PPT2: variants seen among roughly 807,000 people sequenced by gnomAD.
The protein encoded by PPT2 is palmitoyl-protein thioesterase 2.
Under a neutral mutation model 37.3 loss-of-function variants are expected in PPT2, and 20 were observed. The observed-to-expected ratio is 0.54, with a 90% CI of 0.38 to 0.78. PPT2 has a LOEUF of 0.78. Ranked by LOEUF, PPT2 falls within the 30% of genes least tolerant of loss-of-function variation. PPT2 has a pLI of 0.00. For missense variants in PPT2, 270 were observed against 389.8 expected (o/e 0.69, Z 2.59); for synonymous variants, 135 against 159.1 (o/e 0.85, Z 1.14).
rs1783842288 is a variant in PPT2, at chr6:32,156,975, T to A, written c.542-662T>A. 6.6e-6 allele frequency: 1 copy of A among 151,618 alleles called. No individual in the cohort carries two copies. Among genetic ancestry groups the A allele is most frequent in the South Asian group, 2.1e-4 (1 of 4,814 alleles). 9.4% of individuals were successfully genotyped at this position (151,618 alleles called of 1,614,324 possible). ...GTGGGCGCATCACCTGAGGTCGGGT[T>A]CGAGACCAGCCTGGCCAACATGGTG... On this transcript the variant is annotated intron_variant, in intron 5 of 8. Transcript: ENST00000324816. This position sits in a 1 kb window ranked among gnomAD's most constrained non-coding sequence, Gnocchi z 4.9.
At chr6:32,153,773 T>G, upstream of PPT2, 2 of 1,199,488 alleles carry the variant, frequency 1.7e-6, no homozygotes, top group Non-Finnish European at 2.3e-6. The surrounding 1 kb of genome is among the most constrained non-coding windows in gnomAD (Gnocchi z 4.4). Context: ...TACCTTTCCC[T>G]GGTCCGCCCC....
rs1783711184 is a variant in PPT2, at chr6:32,155,542, G to A, written c.338-146G>A. 1.3e-6 allele frequency: 1 copy of A among 746,480 alleles called. No homozygotes were observed. The highest frequency in any genetic ancestry group is 1.8e-5 in the African/African-American group (1 of 56,042). The allele number at this position is 746,480 out of a possible 1,614,324, so 46.2% of individuals were successfully genotyped here. ...CACAGGGTGTGCCTGCCTTCTGTAA[G>A]CCTCAGTCTCCTTTGTGTACAGTGT... On this transcript the variant is annotated intron_variant, in intron 3 of 8. Coordinates refer to ENST00000324816, the MANE Select transcript of PPT2 (RefSeq NM_005155.7). This position sits in a 1 kb window ranked among gnomAD's most constrained non-coding sequence, Gnocchi z 4.3.
At chr6:32,153,744 A>C (rs1047202804), upstream of PPT2, 9 of 1,382,456 alleles carry the variant, frequency 6.5e-6, no homozygotes, top group African/African-American at 2.9e-5. This position sits in a 1 kb window ranked among gnomAD's most constrained non-coding sequence, Gnocchi z 4.4. Flanking sequence ...CACCCAGCAC[A>C]CGGCAAAATG....
At position 32,155,248 on chromosome 6, in the gene PPT2, A is replaced by C. The variant is rs1783683259; in HGVS notation, c.337+65A>C. The C allele has an allele frequency of 1.3e-6, 2 of 1,559,704 alleles. No individual in the cohort carries two copies. Among genetic ancestry groups the C allele is most frequent in the African/African-American group, 1.4e-5 (1 of 73,650 alleles). On this transcript the variant is annotated intron_variant, in intron 3 of 8. Coordinates refer to ENST00000324816, the MANE Select transcript of PPT2 (RefSeq NM_005155.7). The surrounding 1 kb of genome is among the most constrained non-coding windows in gnomAD (Gnocchi z 4.3). Reference sequence around the variant, plus strand: ...GAGGCTTGATCCTTATCTGAGGGACACTTCCTAGCGTCCCTTTTTCTGAAC... The same window carrying C: ...GAGGCTTGATCCTTATCTGAGGGACCCTTCCTAGCGTCCCTTTTTCTGAAC...
chr6:32,163,609 C>T lies in PPT2; in HGVS notation c.*659C>T, dbSNP rs1784308993. The T allele has an allele frequency of 6.5e-6, 1 of 152,794 alleles. No individual in the cohort carries two copies. The highest frequency in any genetic ancestry group is 2.4e-5 in the African/African-American group (1 of 41,458). The allele number at this position is 152,794 out of a possible 1,614,324, so 9.5% of individuals were successfully genotyped here. ...AGCCTAGTTTCTTTGAGGCCCCAGG[C>T]CCTCTTTTAACTACCTTTGAATAGG... On this transcript the variant is annotated 3_prime_UTR_variant, in exon 9 of 9. Coordinates refer to ENST00000324816, the MANE Select transcript of PPT2 (RefSeq NM_005155.7).
chr6:32,161,232 G>T (rs1009900236), intron 7 of PPT2, among the ~76,000 whole-genome samples: 2 of 152,038 alleles, frequency 1.3e-5, no homozygotes, highest in African/African-American at 4.8e-5. Flanking sequence ...ATATACAGTG[G>T]AAGATCCAAA....
At chr6:32,153,703 TG>T, upstream of PPT2, 1 of 1,546,632 alleles carries the variant, frequency 6.5e-7, no homozygotes, top group Non-Finnish European at 8.8e-7. The surrounding 1 kb of genome is among the most constrained non-coding windows in gnomAD (Gnocchi z 4.4). Context: ...ACGCCCGGGC[TG>T]GCATCAGCCC....
rs1783657163 is a variant in PPT2 at position 32,154,992 on chromosome 6, AG to A, written c.184-37del. 1 of 1,611,038 alleles carries A rather than the reference AG, an allele frequency of 6.2e-7. No homozygotes were observed. Among genetic ancestry groups the A allele is most frequent in the Non-Finnish European group, 8.5e-7 (1 of 1,179,690 alleles). On this transcript the variant is annotated intron_variant, in intron 2 of 8. Transcript: ENST00000324816. This position sits in a 1 kb window ranked among gnomAD's most constrained non-coding sequence, Gnocchi z 7.3. ...AGGGGGTGGCGTGTGGGAGCTTCTT[AG>A]CCTATCCCCGGTGGCTGCATTGCCC...
chr6:32,159,874 C>T (rs1050196517), intron 7 of PPT2, among the ~76,000 whole-genome samples: 1 of 151,776 alleles, frequency 6.6e-6, no homozygotes, highest in Non-Finnish European at 1.5e-5. Flanking sequence ...GTGCCCACCA[C>T]CATGCCTGGC....
In PPT2 at chr6:32,155,254, T is replaced by C; in HGVS notation, c.337+71T>C. The C allele has an allele frequency of 6.5e-7, 1 of 1,543,980 alleles. No individual in the cohort carries two copies. The highest frequency in any genetic ancestry group is 8.9e-7 in the Non-Finnish European group (1 of 1,124,660). On this transcript the variant is annotated intron_variant, in intron 3 of 8. Coordinates refer to ENST00000324816, the MANE Select transcript of PPT2 (RefSeq NM_005155.7). This position sits in a 1 kb window ranked among gnomAD's most constrained non-coding sequence, Gnocchi z 4.3. ...TGATCCTTATCTGAGGGACACTTCC[T>C]AGCGTCCCTTTTTCTGAACCACATT...
chr6:32,153,668 T>C, upstream of PPT2: 1 of 155,150 alleles, frequency 6.4e-6, no homozygotes, highest in South Asian at 4.3e-5. The surrounding 1 kb of genome is among the most constrained non-coding windows in gnomAD (Gnocchi z 4.4). Context: ...GACTGGAGGG[T>C]GGGGTGGGGT....
chr6:32,156,143 G>A lies in PPT2; in HGVS notation c.541+165G>A, dbSNP rs1337966744. ...TTTTTTTGAGACGGAGTCTTGTTCT[G>A]TTGCCCAGGCTGGAGTGCAGTGCAC... is the stretch of plus-strand genomic sequence containing the variant. On this transcript the variant is annotated intron_variant, in intron 5 of 8. Coordinates refer to ENST00000324816, the MANE Select transcript of PPT2 (RefSeq NM_005155.7). The surrounding 1 kb of genome is among the most constrained non-coding windows in gnomAD (Gnocchi z 4.9). Among the ~76,000 whole-genome samples the A allele has an allele frequency of 6.6e-6, 1 of 150,474 alleles. No individual in the cohort carries two copies. The highest frequency in any genetic ancestry group is 1.5e-5 in the Non-Finnish European group (1 of 67,782).
chr6:32,157,981 G>GAATTTCTGGTAC, intron 7 of PPT2, 57 bp downstream of exon 7: 1 of 1,446,212 alleles, frequency 6.9e-7, no homozygotes, highest in Non-Finnish European at 9.6e-7. Flanking sequence ...AACCCCAGTT[G>GAATTTCTGGTAC]GTCTTTATCT....
chr6:32,162,849 C>CG lies in PPT2; in HGVS notation c.814dup (p.Ala272GlyfsTer23), dbSNP rs756707985. 6.2e-7 allele frequency: 1 copy of CG among 1,614,020 alleles called. No individual in the cohort carries two copies. The highest frequency in any genetic ancestry group is 8.5e-7 in the Non-Finnish European group (1 of 1,179,926). The stretch of plus-strand genomic sequence containing the variant: ...TTTTGGGTTGAAGACTCTATTGGCC[C>CG]GGGGGGCCATAGTGAGGTGTCCAAT... On this transcript the variant is annotated frameshift_variant, in exon 9 of 9. Transcript: ENST00000324816. LOFTEE classifies it high-confidence loss of function. The surrounding 1 kb of genome is among the most constrained non-coding windows in gnomAD (Gnocchi z 5.5).
At chr6:32,160,228 G>A (rs1049983478) in intron 7 of PPT2, among the ~76,000 whole-genome samples, 237 of 149,430 alleles carry the variant, frequency 1.6e-3, no homozygotes, top group African/African-American at 5.1e-3. Flanking sequence ...TGTATTTTTA[G>A]TAGAGACGGG....
chr6:32,157,394 G>A, intron 5 of PPT2: 3 of 559,594 alleles, frequency 5.4e-6, no homozygotes, highest in Non-Finnish European at 9.6e-6. Context: ...TGTATTTTTA[G>A]TAGAGACAGG....
rs28359849 is a variant in PPT2 at position 32,155,584 on chromosome 6, C to CTGTGTGTGTGTG, written c.338-81_338-70dup. On this transcript the variant is annotated intron_variant, in intron 3 of 8. Coordinates refer to ENST00000324816, the MANE Select transcript of PPT2 (RefSeq NM_005155.7). This position sits in a 1 kb window ranked among gnomAD's most constrained non-coding sequence, Gnocchi z 4.3. ...GTACAGTGTGTGTCTGTGTGTGTCT[C>CTGTGTGTGTGTG]TGTGTGTGTGTGTGTGTGTGTGTGT... The CTGTGTGTGTGTG allele has an allele frequency of 9.1e-3, 6,304 of 696,004 alleles. 35 individuals carry two copies. Among genetic ancestry groups the CTGTGTGTGTGTG allele is most frequent in the African/African-American group, 0.013 (612 of 45,946 alleles). 43.1% of individuals were successfully genotyped at this position (696,004 alleles called of 1,614,324 possible).
chr6:32,156,196 C>G lies in PPT2; in HGVS notation c.541+218C>G, dbSNP rs3130281. Among the ~76,000 whole-genome samples the G allele has an allele frequency of 0.18, 27,488 of 151,884 alleles. 2,652 individuals carry two copies. Among genetic ancestry groups the G allele is most frequent in the Non-Finnish European group, 0.21 (14,367 of 67,942 alleles). On this transcript the variant is annotated intron_variant, in intron 5 of 8. Transcript: ENST00000324816. The surrounding 1 kb of genome is among the most constrained non-coding windows in gnomAD (Gnocchi z 4.9). ...TCTTGGCTCACTGCAACCTCCGCCT[C>G]CCAGGTTCAAGTGATCCTCCTGCCT... is the stretch of plus-strand genomic sequence containing the variant.
intron 7 of PPT2, among the ~76,000 whole-genome samples, chr6:32,161,587 C>CA (rs1561823571): frequency 7.5e-6 from 1 of 132,810 alleles, no homozygotes; most frequent in Non-Finnish European, 1.6e-5. Flanking sequence ...CCACACCTGG[C>CA]CTCTTTTTTT....
Sources: allele counts gnomAD v4.1 joint callset (sites outside exome capture counted in the v4.1 genomes callset), GRCh38; gene constraint gnomAD v4.1.1; non-coding constraint Gnocchi (gnomAD v3.1); transcripts MANE v1.5; gene names NCBI Gene and HGNC (gene_info 2026-07-23, HGNC 2026-07-21).